The following XRCC2 variants were observed in gnomAD, a reference collection of about 807,000 sequenced individuals.
XRCC2 encodes X-ray repair cross complementing 2, also known as DNA repair protein XRCC2.
A neutral mutation model predicts 27.3 loss-of-function variants in XRCC2; 24 were observed. The ratio of observed to expected loss-of-function variants is 0.88; its 90% confidence interval spans 0.64 to 1.24. The LOEUF is 1.24. Among genes scored for constraint, XRCC2 ranks in the 50% most tolerant of loss-of-function variants. XRCC2 has a pLI of 0.00. For missense variants in XRCC2, 321 were observed against 325.8 expected (o/e 0.99, Z 0.11); for synonymous variants, 106 against 115.4 (o/e 0.92, Z 0.52).
At chr7:152,654,197 C>CAAAAAAA (rs11411109) in intron 2 of XRCC2, among the ~76,000 whole-genome samples, 5 of 92,170 alleles carry the variant, frequency 5.4e-5, no homozygotes, top group Admixed American at 1.4e-4. Context: ...AACTCCATCT[C>CAAAAAAA]AAAAAAAAAA....
chr7:152,650,295 A>AT (rs1444202882), intron 2 of XRCC2, among the ~76,000 whole-genome samples: 2 of 152,350 alleles, frequency 1.3e-5, no homozygotes, highest in East Asian at 3.9e-4. Flanking sequence ...TGCTATTTGA[A>AT]TTATCTCTGG....
In XRCC2 at chr7:152,663,346, TAAAAA is replaced by T. The variant is rs530664762; in HGVS notation, c.40-2569_40-2565del. ...GCTTTACGTAAGAATGTCTTTGAAGTAAAAAAAAAAAAAAAAAAAAAAAAAAAGAC... is the reference window on the plus strand; with the variant it reads ...GCTTTACGTAAGAATGTCTTTGAAGTAAAAAAAAAAAAAAAAAAAAAAGAC... On this transcript the variant is annotated intron_variant, in intron 1 of 2. Coordinates refer to ENST00000359321, the MANE Select transcript of XRCC2 (RefSeq NM_005431.2). Among the ~76,000 whole-genome samples the T allele has an allele frequency of 5.2e-3, 423 of 80,894 alleles. 6 individuals carry two copies. Among genetic ancestry groups the T allele is most frequent in the African/African-American group, 0.018 (397 of 22,366 alleles). The allele number at this position is 80,894 out of a possible 152,430, so 53.1% of individuals were successfully genotyped here. A position where few individuals can be genotyped will look rare whatever the true frequency, so the allele number is the denominator to read the frequency against.
intron 1 of XRCC2, among the ~76,000 whole-genome samples, chr7:152,662,565 A>ATTTTTTTT (rs11323323): frequency 8.9e-5 from 6 of 67,768 alleles, no homozygotes; most frequent in Admixed American, 2.3e-4. Context: ...TTTTATTTGC[A>ATTTTTTTT]TTTTTTTTTT....
intron 2 of XRCC2, among the ~76,000 whole-genome samples, chr7:152,652,028 G>A (rs912041400): frequency 6.6e-6 from 1 of 151,636 alleles, no homozygotes; most frequent in Non-Finnish European, 1.5e-5. Context: ...AGAAATAGCC[G>A]GGCGTGGTAG....
Position 152,649,345 on chromosome 7 carries a change from T to C in XRCC2, c.140A>G (p.His47Arg), listed in dbSNP as rs587780126. ...SPVHGDILEFHGPEGTGKTEM... is the reference protein window; with the variant it reads ...SPVHGDILEFRGPEGTGKTEM... ...TGTTTTTCCTGTTCCTTCTGGGCCA[T>C]GAAATTCAAGAATATCACCTGTGTA... The change falls in exon 3 of 3, where the codon CAT becomes CGT. Residue 47 changes from histidine to arginine, a missense_variant. Coordinates refer to ENST00000359321, the MANE Select transcript of XRCC2 (RefSeq NM_005431.2). The C allele has an allele frequency of 1.9e-6, 3 of 1,590,360 alleles. No homozygotes were observed. The highest frequency in any genetic ancestry group is 2.6e-6 in the Non-Finnish European group (3 of 1,169,190).
At chr7:152,657,657 C>T (rs1460881117) in intron 2 of XRCC2, among the ~76,000 whole-genome samples, 1 of 152,100 alleles carries the variant, frequency 6.6e-6, no homozygotes, top group African/African-American at 2.4e-5. Flanking sequence ...TGCTGATGAC[C>T]ATACAATGTA....
In XRCC2 at chr7:152,648,548, T is replaced by C; in HGVS notation, c.*94A>G. On this transcript the variant is annotated 3_prime_UTR_variant, in exon 3 of 3. Coordinates refer to ENST00000359321, the MANE Select transcript of XRCC2 (RefSeq NM_005431.2). ...CTGCAGTGAGCCATGATTGTGCCAC[T>C]GCACTCCAGCCTGGGAGACAGAGCA... 11 of 1,367,866 alleles carry C rather than the reference T, an allele frequency of 8.0e-6. No homozygotes were observed. The highest frequency in any genetic ancestry group is 1.1e-5 in the Non-Finnish European group (11 of 1,026,820). The allele number at this position is 1,367,866 out of a possible 1,614,324, so 84.7% of individuals were successfully genotyped here.
At chr7:152,649,904 G>A (rs973920318) in intron 2 of XRCC2, among the ~76,000 whole-genome samples, 2 of 152,152 alleles carry the variant, frequency 1.3e-5, no homozygotes, top group African/African-American at 4.8e-5. Context: ...ACCCTCCTGT[G>A]GGGGTGGAGC....
In XRCC2 at chr7:152,673,400, G is replaced by C. The variant is rs905478450; in HGVS notation, c.39+2641C>G. On this transcript the variant is annotated intron_variant, in intron 1 of 2. Transcript: ENST00000359321. ...GGTTTCTCTCTAACTCCTGACCTCA[G>C]GTGATCTGCCCACCTCAACCTCCCA... is the stretch of plus-strand genomic sequence containing the variant. 9.3e-4 allele frequency among the ~76,000 whole-genome samples: 141 copies of C among 152,066 alleles called. 2 individuals are homozygous for C. Among genetic ancestry groups the C allele is most frequent in the Non-Finnish European group, 1.2e-3 (83 of 67,978 alleles).
At chr7:152,656,217 TTAAAA>T (rs2098030649) in intron 2 of XRCC2, among the ~76,000 whole-genome samples, 1 of 152,042 alleles carries the variant, frequency 6.6e-6, no homozygotes, top group Non-Finnish European at 1.5e-5. Context: ...TAAAATTAAA[TTAAAA>T]TAAATTTTAA....
At chr7:152,667,338 G>A (rs1270217378) in intron 1 of XRCC2, among the ~76,000 whole-genome samples, 3 of 142,620 alleles carry the variant, frequency 2.1e-5, no homozygotes, top group Non-Finnish European at 4.5e-5. Context: ...GTCTGAGGCA[G>A]AGGTTGCGGT....
At chr7:152,650,345 T>A (rs1379981122) in intron 2 of XRCC2, among the ~76,000 whole-genome samples, 2 of 152,192 alleles carry the variant, frequency 1.3e-5, no homozygotes, top group Non-Finnish European at 2.9e-5. Context: ...TTTCCTAGCA[T>A]TAAAAATCAA....
Position 152,674,710 on chromosome 7 carries a change from T to TA in XRCC2, c.39+1330dup, listed in dbSNP as rs372916994. ...ATATATTTTTAAATATATATTTATATAATATATTTTTAAATATATATTATA... is the reference window on the plus strand; with the variant it reads ...ATATATTTTTAAATATATATTTATATAAATATATTTTTAAATATATATTATA... On this transcript the variant is annotated intron_variant, in intron 1 of 2. Coordinates refer to ENST00000359321, the MANE Select transcript of XRCC2 (RefSeq NM_005431.2). Among the ~76,000 whole-genome samples, 10 of 17,508 alleles carry TA rather than the reference T, an allele frequency of 5.7e-4. 2 individuals carry two copies. Among genetic ancestry groups the TA allele is most frequent in the East Asian group, 1.2e-3 (1 of 836 alleles). The allele number at this position is 17,508 out of a possible 152,430, so 11.5% of individuals were successfully genotyped here.
At chr7:152,668,402 T>C (rs1443796205) in intron 1 of XRCC2, among the ~76,000 whole-genome samples, 1 of 152,066 alleles carries the variant, frequency 6.6e-6, no homozygotes, top group African/African-American at 2.4e-5. Flanking sequence ...AGAAAAGAGG[T>C]ACTCCAAAAA....
At chr7:152,667,421 A>AAAAAAG (rs1563032931) in intron 1 of XRCC2, among the ~76,000 whole-genome samples, 1 of 79,706 alleles carries the variant, frequency 1.3e-5, no homozygotes. Flanking sequence ...AAAAAAAAAA[A>AAAAAAG]AAAAAGAAAA....
At chr7:152,671,424 A>G (rs528570347) in intron 1 of XRCC2, among the ~76,000 whole-genome samples, 3 of 152,316 alleles carry the variant, frequency 2.0e-5, no homozygotes, top group South Asian at 4.1e-4. Flanking sequence ...AACAGAAACA[A>G]AAAATAAAAC....
intron 1 of XRCC2, among the ~76,000 whole-genome samples, chr7:152,673,799 C>G (rs1346309460): frequency 6.6e-6 from 1 of 151,958 alleles, no homozygotes; most frequent in Non-Finnish European, 1.5e-5. Context: ...TTGCTGGAAC[C>G]CGGGAGGCAG....
In XRCC2 at chr7:152,645,215, C is replaced by CTT. The variant is rs979238759; in HGVS notation, c.*3425_*3426dup. The CTT allele has an allele frequency of 2.6e-5, 4 of 151,380 alleles. No individual in the cohort carries two copies. Among genetic ancestry groups the CTT allele is most frequent in the African/African-American group, 9.7e-5 (4 of 41,290 alleles). The allele number at this position is 151,380 out of a possible 1,614,324, so 9.4% of individuals were successfully genotyped here. On this transcript the variant is annotated 3_prime_UTR_variant, in exon 3 of 3. Transcript: ENST00000359321. Reference sequence around the variant, plus strand: ...TTTTTATTAGATTTATTTCTAGAAACTTTATATTTTTAGTTATGATTAAAT... The same window carrying CTT: ...TTTTTATTAGATTTATTTCTAGAAACTTTTTATATTTTTAGTTATGATTAAAT...
chr7:152,666,085 T>C (rs965721624), intron 1 of XRCC2, among the ~76,000 whole-genome samples: 2 of 152,214 alleles, frequency 1.3e-5, no homozygotes, highest in African/African-American at 2.4e-5. Context: ...AATACAGCTT[T>C]TTTCATAAAA....
Sources: allele counts gnomAD v4.1 joint callset (sites outside exome capture counted in the v4.1 genomes callset), GRCh38; gene constraint gnomAD v4.1.1; transcripts MANE v1.5; gene names NCBI Gene and HGNC (gene_info 2026-07-23, HGNC 2026-07-21).